Variants in ADAM32 observed in about 807,000 individuals in gnomAD.
The protein encoded by ADAM32 is disintegrin and metalloproteinase domain-containing protein 32.
Under a neutral mutation model 114.9 loss-of-function variants are expected in ADAM32, and 89 were observed. That is an observed-to-expected ratio of 0.77 (90% CI 0.65 to 0.92). The LOEUF is 0.92. ADAM32 is among the 40% of genes least tolerant of loss of function. ADAM32 has a pLI of 0.00. For missense variants in ADAM32, 870 were observed against 932.8 expected (o/e 0.93, Z 0.88); for synonymous variants, 285 against 307.5 (o/e 0.93, Z 0.77).
At position 39,221,715 on chromosome 8, in the gene ADAM32, C is replaced by T; in HGVS notation, c.1326+13C>T. 1 of 1,587,426 alleles carries T rather than the reference C, an allele frequency of 6.3e-7. No individual in the cohort carries two copies. Among genetic ancestry groups the T allele is most frequent in the Non-Finnish European group, 8.6e-7 (1 of 1,158,872 alleles). ...CAAAGACTGTCAAGTAAGATTTAAGCTTATGAACATCTTTCAAATATATAA... is the reference window on the plus strand; with the variant it reads ...CAAAGACTGTCAAGTAAGATTTAAGTTTATGAACATCTTTCAAATATATAA... On this transcript the variant is annotated intron_variant, in intron 13 of 24. Transcript: ENST00000379907.
intron 11 of ADAM32, among the ~76,000 whole-genome samples, chr8:39,191,508 A>T (rs933684572): frequency 1.2e-4 from 19 of 152,144 alleles, no homozygotes; most frequent in African/African-American, 4.6e-4. Flanking sequence ...AATCAGTGGT[A>T]TGGAGCTTTT....
At chr8:39,255,316 A>G (rs1307883219) in intron 18 of ADAM32, among the ~76,000 whole-genome samples, 1 of 131,126 alleles carries the variant, frequency 7.6e-6, no homozygotes, top group Non-Finnish European at 1.8e-5. Context: ...TGTTTTTCGT[A>G]GTGGCTGTGC....
In ADAM32 at chr8:39,151,502, G is replaced by A. The variant is rs755037795; in HGVS notation, c.479G>A (p.Ser160Asn). 1.3e-6 allele frequency: 2 copies of A among 1,595,958 alleles called. No homozygotes were observed. Among genetic ancestry groups the A allele is most frequent in the Non-Finnish European group, 1.7e-6 (2 of 1,174,172 alleles). The change falls in exon 6 of 25, where the codon AGC (serine) becomes AAC (asparagine). Residue 160 changes from serine to asparagine, a missense_variant. By Grantham distance (46) the Ser-to-Asn change is conservative. Coordinates refer to ENST00000379907, the MANE Select transcript of ADAM32 (RefSeq NM_145004.7). ...GATATTGCAATTTTTATTGACAGAA[G>A]CCTGAAAGAACAACCAATGGATGAC... Reference protein sequence around the residue: ...DNDIAIFIDRSLKEQPMDDNI... With the variant: ...DNDIAIFIDRNLKEQPMDDNI...
At chr8:39,119,189 C>T (rs1409574132) in intron 2 of ADAM32, among the ~76,000 whole-genome samples, 2 of 152,124 alleles carry the variant, frequency 1.3e-5, no homozygotes, top group Non-Finnish European at 2.9e-5. Context: ...CTTTTATGAA[C>T]ATTCATGTAT....
intron 6 of ADAM32, chr8:39,158,411 C>T (rs148170611): frequency 1.6e-4 from 29 of 180,542 alleles, no homozygotes; most frequent in South Asian, 3.7e-4. Flanking sequence ...AATTCAGAGG[C>T]CTTGAGGGGT....
At chr8:39,231,785 A>G (rs1438415330) in intron 14 of ADAM32, among the ~76,000 whole-genome samples, 1 of 152,112 alleles carries the variant, frequency 6.6e-6, no homozygotes, top group Non-Finnish European at 1.5e-5. Flanking sequence ...TGACACTTCT[A>G]TACCATCTCC....
intron 1 of ADAM32, among the ~76,000 whole-genome samples, chr8:39,109,585 T>C (rs1223695714): frequency 2.0e-5 from 3 of 152,104 alleles, no homozygotes; most frequent in African/African-American, 7.2e-5. Flanking sequence ...ATGAACATTA[T>C]TTTTTAGAGT....
At position 39,190,817 on chromosome 8, in the gene ADAM32, G is replaced by A. The variant is rs545946059; in HGVS notation, c.1052+3772G>A. Among the ~76,000 whole-genome samples, 11 of 152,012 alleles carry A rather than the reference G, an allele frequency of 7.2e-5. No individual in the cohort carries two copies. In the South Asian group the frequency reaches 2.3e-3, roughly 32 times the overall value. ...GGGTACCTGTGCAGTTTGTTATATG[G>A]GTACACTTGAGTCATGGGGGTTTGT... On this transcript the variant is annotated intron_variant, in intron 11 of 24. Coordinates refer to ENST00000379907, the MANE Select transcript of ADAM32 (RefSeq NM_145004.7).
intron 11 of ADAM32, among the ~76,000 whole-genome samples, chr8:39,206,011 C>A (rs1807806032): frequency 6.6e-6 from 1 of 152,170 alleles, no homozygotes; most frequent in African/African-American, 2.4e-5. Context: ...TTGCTTCTTA[C>A]AATTTAATGA....
At chr8:39,121,248 A>G (rs1463906750) in intron 2 of ADAM32, among the ~76,000 whole-genome samples, 4 of 152,206 alleles carry the variant, frequency 2.6e-5, no homozygotes, top group Non-Finnish European at 4.4e-5. Flanking sequence ...GCCAGCTGGA[A>G]CTAAAGGGAA....
At chr8:39,198,535 G>C (rs1455067099) in intron 11 of ADAM32, among the ~76,000 whole-genome samples, 1 of 152,018 alleles carries the variant, frequency 6.6e-6, no homozygotes, top group East Asian at 1.9e-4. Context: ...GCACCACCAT[G>C]CCTGGCTAAC....
At chr8:39,116,690 A>C (rs536848529) in intron 1 of ADAM32, among the ~76,000 whole-genome samples, 1 of 152,138 alleles carries the variant, frequency 6.6e-6, no homozygotes, top group South Asian at 2.1e-4. Flanking sequence ...GAAGAGAGAG[A>C]GTTTGACTTC....
At chr8:39,231,964 G>C in intron 14 of ADAM32, 63 bp from the exon 15 acceptor site, 7 of 1,278,284 alleles carry the variant, frequency 5.5e-6, no homozygotes, top group Non-Finnish European at 7.9e-6. Context: ...ATTATATGAA[G>C]AAATGGAGGA....
At chr8:39,111,746 A>G (rs893214378) in intron 1 of ADAM32, among the ~76,000 whole-genome samples, 2 of 150,016 alleles carry the variant, frequency 1.3e-5, no homozygotes, top group African/African-American at 2.4e-5. Context: ...AAAAAAAGGA[A>G]AAAAAAAAAG....
rs192013563 is a variant in ADAM32 at position 39,123,077 on chromosome 8, C to G, written c.138+4912C>G. On this transcript the variant is annotated intron_variant, in intron 2 of 24. Transcript: ENST00000379907. ...GTTCAGTTTTTTTTGCCTGTGGATC[C>G]AACTTTCCCAGCACTGTTTGTAGAA... Among the ~76,000 whole-genome samples the G allele has an allele frequency of 6.6e-5, 10 of 152,236 alleles. No individual in the cohort carries two copies. In the East Asian group the frequency reaches 1.9e-3, roughly 29 times the overall value.
rs375545979 is a variant in ADAM32 at position 39,274,200 on chromosome 8, A to G, written c.2202-112A>G. On this transcript the variant is annotated intron_variant, in intron 20 of 24. Transcript: ENST00000379907. ...TTTGGACATCATTTTATTTATTAGTAATTAGTCTTTTAAAGAGATAATACT... is the reference window on the plus strand; with the variant it reads ...TTTGGACATCATTTTATTTATTAGTGATTAGTCTTTTAAAGAGATAATACT... The G allele has an allele frequency of 9.2e-6, 9 of 978,356 alleles. No individual in the cohort carries two copies. The African/African-American group carries it at 1.5e-4, about 16-fold the overall frequency. 60.6% of individuals were successfully genotyped at this position (978,356 alleles called of 1,614,324 possible). A position where few individuals can be genotyped will look rare whatever the true frequency, so the allele number is the denominator to read the frequency against.
Position 39,223,058 on chromosome 8 carries a change from G to C in ADAM32, c.1345G>C (p.Glu449Gln). Residue 449 changes from glutamate to glutamine, a missense_variant, in exon 14 of 25, where the codon GAA (glutamate) becomes CAA (glutamine). Coordinates refer to ENST00000379907, the MANE Select transcript of ADAM32 (RefSeq NM_145004.7). ...KDCQILQSGV[E>Q]CRPKAHPECD... ...CTCTTAGATTTTACAATCAGGCGTT[G>C]AATGTAGGCCGAAAGCACATCCTGA... is the stretch of plus-strand genomic sequence containing the variant. The C allele has an allele frequency of 6.3e-7, 1 of 1,585,268 alleles. No homozygotes were observed. Among genetic ancestry groups the C allele is most frequent in the Non-Finnish European group, 8.6e-7 (1 of 1,166,558 alleles).
chr8:39,212,967 A>T (rs574286856), intron 12 of ADAM32, among the ~76,000 whole-genome samples: 38 of 152,080 alleles, frequency 2.5e-4, no homozygotes, highest in African/African-American at 8.2e-4. Context: ...TTAAATTTGC[A>T]TTTTCTTGAT....
At chr8:39,186,384 C>A (rs918254027) in intron 10 of ADAM32, among the ~76,000 whole-genome samples, 1 of 152,166 alleles carries the variant, frequency 6.6e-6, no homozygotes, top group Non-Finnish European at 1.5e-5. Flanking sequence ...ACAGCCTAAT[C>A]CAATAGTGCA....
Sources: gnomAD v4.1 joint callset for allele counts (sites outside exome capture counted in the v4.1 genomes callset) on GRCh38, gnomAD v4.1.1 for gene constraint, MANE v1.5 for transcripts, NCBI Gene and HGNC (gene_info 2026-07-23, HGNC 2026-07-21) for gene names.